Variants in CTNND2 observed in about 807,000 individuals in gnomAD.
CTNND2 encodes catenin delta-2.
In CTNND2, 22 loss-of-function variants were observed where a neutral mutation model predicts 144.4. The observed-to-expected ratio is 0.15, with a 90% CI of 0.11 to 0.22. CTNND2 has a LOEUF of 0.22. Among genes scored for constraint, CTNND2 ranks in the 10% least tolerant of loss-of-function variants. CTNND2 has a pLI of 1.00. For synonymous variants in CTNND2, 751 were observed against 695.6 expected (o/e 1.08, Z -1.25); for missense variants, 1,353 against 1,618.8 (o/e 0.84, Z 2.82).
chr5:10,996,244 C>A (rs952673356), intron 18 of CTNND2, among the ~76,000 whole-genome samples: 2 of 151,972 alleles, frequency 1.3e-5, no homozygotes, highest in African/African-American at 4.8e-5. Flanking sequence ...GAAGCTAAGC[C>A]CAGTAGGGAG....
intron 13 of CTNND2, among the ~76,000 whole-genome samples, chr5:11,112,291 C>G (rs1045405668): frequency 6.6e-6 from 1 of 152,046 alleles, no homozygotes; most frequent in East Asian, 1.9e-4. Flanking sequence ...TCACAAGGGG[C>G]CTGTACGTCA....
chr5:11,664,709 T>C (rs1442708614), intron 2 of CTNND2, among the ~76,000 whole-genome samples: 1 of 152,202 alleles, frequency 6.6e-6, no homozygotes, highest in Non-Finnish European at 1.5e-5. Context: ...TTGAGATCCT[T>C]TTCATCTAAA....
intron 11 of CTNND2, among the ~76,000 whole-genome samples, chr5:11,164,741 CAGAG>C (rs1759133844): frequency 6.6e-6 from 1 of 152,192 alleles, no homozygotes; most frequent in South Asian, 2.1e-4. Context: ...GTGCTAAACT[CAGAG>C]AGGCTTTCCT....
chr5:11,277,613 C>T (rs1004883953), intron 9 of CTNND2, among the ~76,000 whole-genome samples: 4 of 151,704 alleles, frequency 2.6e-5, no homozygotes, highest in African/African-American at 9.7e-5. Flanking sequence ...CTCACTGCAG[C>T]CTCAACCTCC....
intron 9 of CTNND2, among the ~76,000 whole-genome samples, chr5:11,306,173 C>T (rs1264255009): frequency 3.9e-5 from 6 of 152,060 alleles, no homozygotes; most frequent in Admixed American, 6.6e-5. Flanking sequence ...ACTGAAAGTG[C>T]GGAGAAGCCA....
chr5:11,150,025 T>C (rs1426883748), intron 12 of CTNND2, among the ~76,000 whole-genome samples: 1 of 152,222 alleles, frequency 6.6e-6, no homozygotes, highest in Admixed American at 6.5e-5. Context: ...GCAATTGGCT[T>C]TCTGTGACAC....
At chr5:11,812,850 GACTAAAGCCC>G (rs1310203525) in intron 1 of CTNND2, among the ~76,000 whole-genome samples, 24 of 152,054 alleles carry the variant, frequency 1.6e-4, no homozygotes, top group Non-Finnish European at 8.8e-5. Flanking sequence ...ATCAAAGCAT[GACTAAAGCCC>G]ACAATGCCAG....
At chr5:11,417,100 T>C (rs1178461806) in intron 3 of CTNND2, among the ~76,000 whole-genome samples, 1 of 152,182 alleles carries the variant, frequency 6.6e-6, no homozygotes, top group African/African-American at 2.4e-5. Flanking sequence ...TAGCAGACAA[T>C]AGTCTAACTG....
intron 12 of CTNND2, among the ~76,000 whole-genome samples, chr5:11,126,989 G>C (rs574200906): frequency 4.2e-4 from 64 of 152,226 alleles, no homozygotes; most frequent in Non-Finnish European, 7.9e-4. Context: ...ACAGGTTTGG[G>C]CTAAGTTCCA....
At chr5:11,053,506 C>T (rs980486415) in intron 16 of CTNND2, among the ~76,000 whole-genome samples, 8 of 152,272 alleles carry the variant, frequency 5.3e-5, no homozygotes, top group Non-Finnish European at 7.3e-5. Flanking sequence ...CACCTAGAGA[C>T]GGCTCTTTTC....
At chr5:11,513,589 TAGA>T (rs1771857989) in intron 3 of CTNND2, among the ~76,000 whole-genome samples, 2 of 152,154 alleles carry the variant, frequency 1.3e-5, no homozygotes, top group Non-Finnish European at 2.9e-5. Flanking sequence ...TACAGAAAAA[TAGA>T]AGATGGGCAA....
chr5:11,072,570 A>G (rs1319472772), intron 16 of CTNND2, among the ~76,000 whole-genome samples: 1 of 152,216 alleles, frequency 6.6e-6, no homozygotes, highest in Non-Finnish European at 1.5e-5. Context: ...AATTTCAACT[A>G]ATTTTCTTGA....
At chr5:11,314,285 C>T (rs973726347) in intron 9 of CTNND2, among the ~76,000 whole-genome samples, 1 of 152,108 alleles carries the variant, frequency 6.6e-6, no homozygotes, top group African/African-American at 2.4e-5. Flanking sequence ...TGGAAATGTG[C>T]TCTGTGTTAT....
intron 9 of CTNND2, among the ~76,000 whole-genome samples, chr5:11,335,989 A>G (rs1158645672): frequency 1.3e-5 from 2 of 151,900 alleles, no homozygotes; most frequent in Non-Finnish European, 2.9e-5. Flanking sequence ...TCCACAACCA[A>G]TCAGAGGCTG....
At chr5:11,737,880 G>T (rs994496203) in intron 1 of CTNND2, among the ~76,000 whole-genome samples, 14 of 152,232 alleles carry the variant, frequency 9.2e-5, no homozygotes, top group Non-Finnish European at 1.5e-4. Context: ...GACCAGCGGG[G>T]AAGAGAGGTG....
At chr5:11,349,644 T>G (rs1307943132) in intron 8 of CTNND2, among the ~76,000 whole-genome samples, 1 of 152,060 alleles carries the variant, frequency 6.6e-6, no homozygotes, top group African/African-American at 2.4e-5. Flanking sequence ...CTACTAAAGG[T>G]ACAGAGAAGA....
intron 1 of CTNND2, among the ~76,000 whole-genome samples, chr5:11,857,133 A>G (rs1340063694): frequency 6.6e-6 from 1 of 152,234 alleles, no homozygotes; most frequent in African/African-American, 2.4e-5. Flanking sequence ...TCCATACTAA[A>G]TAATATAAAC....
chr5:11,184,994 G>A (rs1244223281), intron 11 of CTNND2, among the ~76,000 whole-genome samples: 1 of 152,142 alleles, frequency 6.6e-6, no homozygotes, highest in African/African-American at 2.4e-5. Context: ...CTGAGCAGGT[G>A]TGCAAGAACA....
At chr5:11,762,774 G>A (rs1161912776) in intron 1 of CTNND2, among the ~76,000 whole-genome samples, 3 of 152,154 alleles carry the variant, frequency 2.0e-5, no homozygotes, top group Admixed American at 6.5e-5. Flanking sequence ...ACTGCCTTCT[G>A]TCTAGTTATT....
Sources: gnomAD v4.1 joint callset for allele counts (sites outside exome capture counted in the v4.1 genomes callset) on GRCh38, gnomAD v4.1.1 for gene constraint, MANE v1.5 for transcripts, NCBI Gene and HGNC (gene_info 2026-07-23, HGNC 2026-07-21) for gene names.